Variants in FBXO31 observed in about 807,000 individuals in gnomAD.
The protein encoded by FBXO31 is F-box protein 31, also known as F-box only protein 31.
Under a neutral mutation model 54.4 loss-of-function variants are expected in FBXO31, and 24 were observed. The observed-to-expected ratio is 0.44, with a 90% CI of 0.32 to 0.62. FBXO31 has a LOEUF of 0.62. FBXO31 is among the 20% of genes least tolerant of loss of function. The probability of loss-of-function intolerance (pLI) is 0.05; values close to 1 mark genes in which losing one functional copy is unlikely to be tolerated. For missense variants in FBXO31, 665 were observed against 787.1 expected, an observed-to-expected ratio of 0.84 and a Z score of 1.86; for synonymous variants, 388 against 335.6, an observed-to-expected ratio of 1.16 and a Z score of -1.71.
At chr16:87,337,845 C>A (rs749869006) in intron 5 of FBXO31, among the ~76,000 whole-genome samples, 14 of 151,998 alleles carry the variant, frequency 9.2e-5, no homozygotes, top group Admixed American at 3.3e-4. Context: ...AAAAATGGAG[C>A]CTATCTTTGC....
In FBXO31 at chr16:87,346,288, C is replaced by A. The variant is rs563595363; in HGVS notation, c.489+886G>T. Among the ~76,000 whole-genome samples the A allele has an allele frequency of 6.6e-6, 1 of 151,568 alleles. No homozygotes were observed. The highest frequency in any genetic ancestry group is 2.1e-4 in the South Asian group (1 of 4,808). On this transcript the variant is annotated intron_variant, in intron 3 of 8. Transcript: ENST00000311635. The surrounding 1 kb of genome is among the most constrained non-coding windows in gnomAD (Gnocchi z 4.2). The stretch of plus-strand genomic sequence containing the variant: ...AGGGCCTCTTGAGGAGACCAGGCCA[C>A]GGCACCCAGCAAGTGCCCAGGCGCA...
At chr16:87,366,435 CCAGA>C (rs1393645858) in intron 1 of FBXO31, among the ~76,000 whole-genome samples, 5 of 152,106 alleles carry the variant, frequency 3.3e-5, no homozygotes, top group African/African-American at 9.7e-5. Flanking sequence ...TGGCAAGGGC[CCAGA>C]CAGAGGTGAA....
chr16:87,337,825 T>A (rs1207498457), intron 5 of FBXO31, among the ~76,000 whole-genome samples: 12 of 146,866 alleles, frequency 8.2e-5, no homozygotes, highest in Non-Finnish European at 1.4e-4. Context: ...AAACTTCTAT[T>A]AAAAAAAAAA....
chr16:87,342,412 G>A (rs955727954), intron 5 of FBXO31, among the ~76,000 whole-genome samples: 3 of 152,152 alleles, frequency 2.0e-5, no homozygotes, highest in Non-Finnish European at 4.4e-5. Context: ...TAAAACTCAA[G>A]GGCAATATTA....
chr16:87,363,778 A>G (rs1195189127), intron 1 of FBXO31, among the ~76,000 whole-genome samples: 1 of 152,186 alleles, frequency 6.6e-6, no homozygotes, highest in East Asian at 1.9e-4. Context: ...TGAGCTGTGG[A>G]GGAAAAAGGC....
Position 87,336,459 on chromosome 16 carries a change from G to A in FBXO31, c.733-195C>T, listed in dbSNP as rs1338193392. 6.6e-6 allele frequency among the ~76,000 whole-genome samples: 1 copy of A among 152,202 alleles called. No individual in the cohort carries two copies. The highest frequency in any genetic ancestry group is 1.5e-5 in the Non-Finnish European group (1 of 68,026). On this transcript the variant is annotated intron_variant, in intron 5 of 8. Transcript: ENST00000311635. This position sits in a 1 kb window ranked among gnomAD's most constrained non-coding sequence, Gnocchi z 6.5. ...CTGCCGGATTTGACCCCACGTCAGA[G>A]GTGCCTGCCAACAAAAAGTGAAGGT...
At position 87,370,221 on chromosome 16, in the gene FBXO31, G is replaced by T. The variant is rs557798967; in HGVS notation, c.341-9855C>A. On this transcript the variant is annotated intron_variant, in intron 1 of 8. Coordinates refer to ENST00000311635, the MANE Select transcript of FBXO31 (RefSeq NM_024735.5). ...CTTCGTGAGCACCCCCTACCCCTGG[G>T]AAGGGAAGATGAAGAGGACGGGAGG... Among the ~76,000 whole-genome samples the T allele has an allele frequency of 6.6e-5, 10 of 152,362 alleles. No individual in the cohort carries two copies. The East Asian group carries it at 1.9e-3, about 29-fold the overall frequency.
At chr16:87,341,934 G>A (rs761048930) in intron 5 of FBXO31, among the ~76,000 whole-genome samples, 13 of 151,668 alleles carry the variant, frequency 8.6e-5, no homozygotes, top group East Asian at 2.0e-4. Context: ...CACCCTGGCC[G>A]CGCGCGATGG....
chr16:87,374,556 A>G (rs1411611801), intron 1 of FBXO31, among the ~76,000 whole-genome samples: 1 of 152,168 alleles, frequency 6.6e-6, no homozygotes, highest in Non-Finnish European at 1.5e-5. Context: ...TCTGTATAGG[A>G]AAAGGGTATT....
At chr16:87,333,807 G>A (rs891326938) in intron 8 of FBXO31, 79 bp downstream of exon 8, 3 of 1,490,450 alleles carry the variant, frequency 2.0e-6, no homozygotes, top group African/African-American at 2.8e-5. Flanking sequence ...CTCTCCGCCT[G>A]TGCTAGGTGT....
chr16:87,386,381 C>A (rs1435574477), upstream of FBXO31, among the ~76,000 whole-genome samples: 1 of 152,168 alleles, frequency 6.6e-6, no homozygotes, highest in Non-Finnish European at 1.5e-5. Context: ...GCGTGGTATG[C>A]AGATGAATTG....
At position 87,345,207 on chromosome 16, in the gene FBXO31, C is replaced by T. The variant is rs1905332071; in HGVS notation, c.490-1442G>A. 6.6e-6 allele frequency among the ~76,000 whole-genome samples: 1 copy of T among 152,202 alleles called. No homozygotes were observed. Among genetic ancestry groups the T allele is most frequent in the Non-Finnish European group, 1.5e-5 (1 of 68,042 alleles). The stretch of plus-strand genomic sequence containing the variant: ...CCCAACACCAGCACCGGATTTTCAA[C>T]ACAGCAAGAACGATGGCAACAGTGA... On this transcript the variant is annotated intron_variant, in intron 3 of 8. Transcript: ENST00000311635. The surrounding 1 kb of genome is among the most constrained non-coding windows in gnomAD (Gnocchi z 4.9).
At position 87,329,559 on chromosome 16, in the gene FBXO31, G is replaced by A. The variant is rs1025024337; in HGVS notation, c.*1729C>T. 1.3e-5 allele frequency: 2 copies of A among 152,300 alleles called. No homozygotes were observed. The highest frequency in any genetic ancestry group is 2.9e-5 in the Non-Finnish European group (2 of 68,074). 9.4% of individuals were successfully genotyped at this position (152,300 alleles called of 1,614,324 possible). ...AAGGCCACAGTCACCGTCACTCAGA[G>A]ACTGCCTCATTTGGCAAGAGAGAAA... On this transcript the variant is annotated 3_prime_UTR_variant, in exon 9 of 9. Transcript: ENST00000311635.
chr16:87,356,648 C>T (rs1299327910), intron 2 of FBXO31, among the ~76,000 whole-genome samples: 1 of 152,220 alleles, frequency 6.6e-6, no homozygotes, highest in Admixed American at 6.5e-5. Flanking sequence ...CTCAGTAAAG[C>T]GGGACCCAGT....
Position 87,331,363 on chromosome 16 carries a change from G to C in FBXO31, c.1545C>G (p.Thr515=), listed in dbSNP as rs748126473. 2 of 1,614,040 alleles carry C rather than the reference G, an allele frequency of 1.2e-6. No individual in the cohort carries two copies. Among genetic ancestry groups the C allele is most frequent in the Non-Finnish European group, 1.7e-6 (2 of 1,180,040 alleles). The stretch of plus-strand genomic sequence containing the variant: ...GGGACGGCGCATCTGCGTTCCGGAA[G>C]GTGGCCTGGACCCGGCTGTACAGGC... ...SFSLYSRVQA[T]FRNADAPSPQ... The change falls in exon 9 of 9, where the codon ACC becomes ACG. Residue 515 remains threonine (T), a synonymous_variant. Coordinates refer to ENST00000311635, the MANE Select transcript of FBXO31 (RefSeq NM_024735.5).
At chr16:87,380,033 C>G (rs1175411887) in intron 1 of FBXO31, among the ~76,000 whole-genome samples, 8 of 147,562 alleles carry the variant, frequency 5.4e-5, no homozygotes, top group Admixed American at 4.7e-4. Flanking sequence ...GCCGCGGTGG[C>G]TCACGCCTGT....
intron 2 of FBXO31, among the ~76,000 whole-genome samples, chr16:87,354,173 T>C (rs1360985409): frequency 6.6e-6 from 1 of 152,248 alleles, no homozygotes; most frequent in Admixed American, 6.5e-5. Flanking sequence ...TTACATATTT[T>C]AAAAAGTACA....
chr16:87,374,514 T>G (rs1215228023), intron 1 of FBXO31, among the ~76,000 whole-genome samples: 1 of 152,226 alleles, frequency 6.6e-6, no homozygotes, highest in Non-Finnish European at 1.5e-5. Flanking sequence ...TGTGTCACTC[T>G]CATGCCAGCC....
At chr16:87,331,591 G>A (rs922844444) in intron 8 of FBXO31, 81 bp from the exon 9 acceptor site, 10 of 1,170,326 alleles carry the variant, frequency 8.5e-6, no homozygotes, top group African/African-American at 6.1e-5. Flanking sequence ...CTGCGACCCC[G>A]CTCTGTGCCG....
Sources: allele counts gnomAD v4.1 joint callset (sites outside exome capture counted in the v4.1 genomes callset), GRCh38; gene constraint gnomAD v4.1.1; non-coding constraint Gnocchi (gnomAD v3.1); transcripts MANE v1.5; gene names NCBI Gene and HGNC (gene_info 2026-07-23, HGNC 2026-07-21).